The following SAE1 variants were observed in gnomAD, a reference collection of about 807,000 sequenced individuals.
The protein encoded by SAE1 is SUMO1 activating enzyme subunit 1, also known as SUMO-activating enzyme subunit 1.
SAE1 carries 11 observed loss-of-function variants against 40.6 expected under a neutral mutation model. The observed-to-expected ratio is 0.27, with a 90% confidence interval of 0.17 to 0.45. The LOEUF is 0.45. SAE1 is among the 20% of genes least tolerant of loss of function. SAE1 has a pLI of 1.00. For missense variants in SAE1, 373 were observed against 427.3 expected, an observed-to-expected ratio of 0.87 and a Z score of 1.12; for synonymous variants, 155 against 154.3, an observed-to-expected ratio of 1.00 and a Z score of -0.03.
chr19:47,163,029 T>C (rs1201125657), intron 5 of SAE1, among the ~76,000 whole-genome samples: 1 of 152,116 alleles, frequency 6.6e-6, no homozygotes, highest in Admixed American at 6.6e-5. Flanking sequence ...AAGTTCATAA[T>C]TCCAAATGTG....
rs80165670 is a variant in SAE1, at chr19:47,186,656, C to T, written c.734-10577C>T. 8.1e-3 allele frequency among the ~76,000 whole-genome samples: 1,229 copies of T among 152,276 alleles called. 18 individuals carry two copies. Among genetic ancestry groups the T allele is most frequent in the African/African-American group, 0.027 (1,133 of 41,540 alleles). ...GCATGCTCCTTTTCCCCATCAACAACTTTCATCCGGCGCCTCGGAACCTCT... is the reference window on the plus strand; with the variant it reads ...GCATGCTCCTTTTCCCCATCAACAATTTTCATCCGGCGCCTCGGAACCTCT... On this transcript the variant is annotated intron_variant, in intron 6 of 8. Transcript: ENST00000270225.
chr19:47,164,591 G>T (rs896482213), intron 5 of SAE1, among the ~76,000 whole-genome samples: 96 of 150,598 alleles, frequency 6.4e-4, no homozygotes, highest in African/African-American at 2.2e-3. Context: ...ATGCTAAATG[G>T]CTCCTGACAA....
chr19:47,159,901 C>A (rs940570356), intron 5 of SAE1, among the ~76,000 whole-genome samples: 8 of 152,142 alleles, frequency 5.3e-5, no homozygotes, highest in Non-Finnish European at 2.9e-5. Flanking sequence ...TCCATATTGG[C>A]CAGGCTGGTC....
chr19:47,156,304 A>G (rs1197595857), intron 5 of SAE1, among the ~76,000 whole-genome samples: 2 of 150,392 alleles, frequency 1.3e-5, no homozygotes, highest in Admixed American at 6.6e-5. Context: ...AATTTTTTGT[A>G]TTTTCTCTAC....
At position 47,175,026 on chromosome 19, in the gene SAE1, C is replaced by T. The variant is rs536310847; in HGVS notation, c.733+5103C>T. On this transcript the variant is annotated intron_variant, in intron 6 of 8. Transcript: ENST00000270225. The stretch of plus-strand genomic sequence containing the variant: ...GCCCGGCAGTGAGAACATTTACAAT[C>T]ACATATTGTGTAGCATCAGGAAGGA... Among the ~76,000 whole-genome samples, 5 of 151,452 alleles carry T rather than the reference C, an allele frequency of 3.3e-5. No individual in the cohort carries two copies. The South Asian group carries it at 1.0e-3, about 32-fold the overall frequency.
At chr19:47,209,102 T>TC in intron 8 of SAE1, 57 bp from the exon 9 acceptor site, 13 of 1,553,994 alleles carry the variant, frequency 8.4e-6, no homozygotes, top group South Asian at 2.3e-5. Flanking sequence ...AATTTTTTTT[T>TC]CCCTCTATTC....
Position 47,209,208 on chromosome 19 carries a change from G to T in SAE1, c.998G>T (p.Gly333Val). The change falls in exon 9 of 9, where the codon GGC becomes GTC. Residue 333 changes from glycine to valine, a missense_variant. Coordinates refer to ENST00000270225, the MANE Select transcript of SAE1 (RefSeq NM_005500.3). ...PPHNNFFFFD[G>V]MKGNGIVECL... ...CACAACAACTTCTTCTTCTTCGATG[G>T]CATGAAGGGGAATGGGATTGTGGAG... The T allele has an allele frequency of 6.2e-7, 1 of 1,614,020 alleles. No individual in the cohort carries two copies.
intron 2 of SAE1, among the ~76,000 whole-genome samples, chr19:47,149,950 T>G (rs1432093361): frequency 2.0e-5 from 3 of 151,422 alleles, no homozygotes; most frequent in African/African-American, 7.3e-5. Context: ...TGGTGCGTGC[T>G]TGTAGTCCCA....
chr19:47,137,256 T>C (rs1409930105), intron 1 of SAE1, among the ~76,000 whole-genome samples: 2 of 151,824 alleles, frequency 1.3e-5, no homozygotes, highest in Non-Finnish European at 2.9e-5. Context: ...GGTGTGGTGG[T>C]GGGTGCTTGT....
At chr19:47,153,090 C>T in intron 4 of SAE1, 50 bp downstream of exon 4, 3 of 1,240,234 alleles carry the variant, frequency 2.4e-6, no homozygotes, top group South Asian at 3.1e-5. Flanking sequence ...CCTTTTTATA[C>T]TTTTTTTTTT....
At chr19:47,198,152 C>G (rs2058628035) in intron 7 of SAE1, among the ~76,000 whole-genome samples, 1 of 151,948 alleles carries the variant, frequency 6.6e-6, no homozygotes, top group East Asian at 1.9e-4. Flanking sequence ...TCTTGTTGCC[C>G]AGGCTGGAGT....
chr19:47,141,917 C>G (rs966635860), intron 1 of SAE1, among the ~76,000 whole-genome samples: 3 of 152,046 alleles, frequency 2.0e-5, no homozygotes, highest in African/African-American at 7.2e-5. Flanking sequence ...GTCTGTATTT[C>G]CTTTTTGAAA....
chr19:47,201,634 G>A (rs1162464113), intron 7 of SAE1, among the ~76,000 whole-genome samples: 1 of 149,712 alleles, frequency 6.7e-6, no homozygotes, highest in Non-Finnish European at 1.5e-5. Context: ...AGCAATGGGA[G>A]GAGTTTTTTT....
intron 5 of SAE1, among the ~76,000 whole-genome samples, chr19:47,163,560 T>C (rs2058371980): frequency 6.6e-6 from 1 of 151,950 alleles, no homozygotes; most frequent in African/African-American, 2.4e-5. Context: ...AAACCCCATC[T>C]CTAACAGAAA....
At chr19:47,186,533 C>T (rs1416122518) in intron 6 of SAE1, among the ~76,000 whole-genome samples, 1 of 152,132 alleles carries the variant, frequency 6.6e-6, no homozygotes, top group Non-Finnish European at 1.5e-5. Flanking sequence ...GGTGAGGGTG[C>T]AGGTCCCTCA....
intron 6 of SAE1, among the ~76,000 whole-genome samples, chr19:47,170,418 AT>A (rs1446012276): frequency 2.0e-5 from 3 of 148,424 alleles, no homozygotes; most frequent in Non-Finnish European, 4.5e-5. Flanking sequence ...TTTCACCATG[AT>A]GCCCAGGCCC....
At chr19:47,151,211 G>A (rs960864836) in intron 3 of SAE1, among the ~76,000 whole-genome samples, 3 of 146,538 alleles carry the variant, frequency 2.0e-5, no homozygotes, top group African/African-American at 7.6e-5. Flanking sequence ...GTGCAATTGT[G>A]CGATCTTGGC....
chr19:47,209,113 C>A (rs1007025742), intron 8 of SAE1, 46 bp from the exon 9 acceptor site: 12 of 1,590,900 alleles, frequency 7.5e-6, no homozygotes, highest in Non-Finnish European at 1.0e-5. Context: ...CCCTCTATTC[C>A]TCTTAAAGCA....
At chr19:47,186,630 T>A (rs2058546080) in intron 6 of SAE1, among the ~76,000 whole-genome samples, 1 of 152,106 alleles carries the variant, frequency 6.6e-6, no homozygotes, top group Non-Finnish European at 1.5e-5. Flanking sequence ...TCTGAGAAAG[T>A]GCATGCTCCT....
Sources: gnomAD v4.1 joint callset for allele counts (sites outside exome capture counted in the v4.1 genomes callset) on GRCh38, gnomAD v4.1.1 for gene constraint, MANE v1.5 for transcripts, NCBI Gene and HGNC (gene_info 2026-07-23, HGNC 2026-07-21) for gene names.